LINC00305: variants seen among roughly 807,000 people sequenced by gnomAD.
The protein encoded by LINC00305 is long independently transcribed non-coding RNA 305, also known as long intergenic non-protein coding RNA 305.
chr18:64,101,365 A>C (rs2144240251), intron 1 of LINC00305, among the ~76,000 whole-genome samples: 1 of 152,292 alleles, frequency 6.6e-6, no homozygotes, highest in Middle Eastern at 3.4e-3. Flanking sequence ...AAATCAGCAG[A>C]AAATTGAGTT....
chr18:64,148,275 T>TA (rs1394354535), intron 1 of LINC00305, among the ~76,000 whole-genome samples: 1 of 152,114 alleles, frequency 6.6e-6, no homozygotes, highest in Admixed American at 6.6e-5. Context: ...TCTGAACCTA[T>TA]AGTGACCAGA....
intron 1 of LINC00305, among the ~76,000 whole-genome samples, chr18:64,130,145 T>A (rs2051402969): frequency 6.6e-6 from 1 of 152,178 alleles, no homozygotes; most frequent in Non-Finnish European, 1.5e-5. Context: ...ATACCATGGA[T>A]GATAAGCCAA....
chr18:64,135,569 T>C (rs1394427264), intron 1 of LINC00305, among the ~76,000 whole-genome samples: 2 of 152,108 alleles, frequency 1.3e-5, no homozygotes, highest in African/African-American at 4.8e-5. Context: ...TTGTTCCACT[T>C]TGCTTTGTTT....
At chr18:64,143,658 CACGTATTATGTATACAT>C (rs2051479772) in intron 1 of LINC00305, among the ~76,000 whole-genome samples, 8 of 146,176 alleles carry the variant, frequency 5.5e-5, no homozygotes, top group Admixed American at 3.4e-4. Context: ...TATGTATGTA[CACGTATTATGTATACAT>C]ATGTATGTCC....
intron 1 of LINC00305, among the ~76,000 whole-genome samples, chr18:64,123,512 C>T (rs2051371253): frequency 1.3e-5 from 2 of 152,230 alleles, no homozygotes; most frequent in Admixed American, 1.3e-4. Context: ...CACTGTACCC[C>T]TTTCTCTGCT....
chr18:64,138,514 C>T (rs1656816866), intron 1 of LINC00305, among the ~76,000 whole-genome samples: 1 of 152,176 alleles, frequency 6.6e-6, no homozygotes, highest in South Asian at 2.1e-4. Context: ...AGTTGACAGC[C>T]CTTTCTCAAG....
At chr18:64,091,396 C>A (rs1225237184) in intron 3 of LINC00305, among the ~76,000 whole-genome samples, 2 of 152,156 alleles carry the variant, frequency 1.3e-5, no homozygotes, top group Non-Finnish European at 2.9e-5. Context: ...GGATGATGCT[C>A]CATTGTTTCG....
At chr18:64,103,711 T>C (rs748024653) in intron 1 of LINC00305, among the ~76,000 whole-genome samples, 5 of 152,210 alleles carry the variant, frequency 3.3e-5, no homozygotes, top group Non-Finnish European at 7.3e-5. Context: ...CAGCATTGTA[T>C]GTTTTAAGAC....
chr18:64,143,601 T>TAC (rs2051478103), intron 1 of LINC00305, among the ~76,000 whole-genome samples: 1 of 93,136 alleles, frequency 1.1e-5, no homozygotes, highest in Non-Finnish European at 2.2e-5. Flanking sequence ...TACACATATG[T>TAC]ATATGTACAT....
At position 64,122,041 on chromosome 18, in the gene LINC00305, A is replaced by AT. The variant is rs546756446; in HGVS notation, n.315-23402dup. On this transcript the variant is annotated intron_variant and non_coding_transcript_variant, in intron 1 of 3. Coordinates refer to ENST00000666468, the Ensembl canonical transcript of LINC00305. ...ACTTTTTAATGGGATTACTTCTTTG[A>AT]TTTTTTGTTGAGTTGTTTGAACTTC... is the stretch of plus-strand genomic sequence containing the variant. Among the ~76,000 whole-genome samples, 248 of 151,684 alleles carry AT rather than the reference A, an allele frequency of 1.6e-3. 1 individual carries two copies. Among genetic ancestry groups the AT allele is most frequent in the Middle Eastern group, 3.4e-3 (1 of 294 alleles).
At chr18:64,087,830 G>T (rs1319311517) in intron 3 of LINC00305, among the ~76,000 whole-genome samples, 1 of 151,964 alleles carries the variant, frequency 6.6e-6, no homozygotes, top group Non-Finnish European at 1.5e-5. Context: ...GCTGGCTCAC[G>T]CCTGTAATCC....
At chr18:64,141,551 C>T (rs1008419937) in intron 1 of LINC00305, among the ~76,000 whole-genome samples, 1 of 152,152 alleles carries the variant, frequency 6.6e-6, no homozygotes, top group East Asian at 1.9e-4. Flanking sequence ...TTCGCAGGCC[C>T]AGTGACTGTA....
At chr18:64,122,616 TATG>T (rs2051367045) in intron 1 of LINC00305, among the ~76,000 whole-genome samples, 1 of 152,102 alleles carries the variant, frequency 6.6e-6, no homozygotes, top group Non-Finnish European at 1.5e-5. Flanking sequence ...AATCAGGTAA[TATG>T]ATGTCTTCAG....
At chr18:64,125,429 A>G (rs916294831) in intron 1 of LINC00305, among the ~76,000 whole-genome samples, 4 of 152,070 alleles carry the variant, frequency 2.6e-5, no homozygotes, top group African/African-American at 7.2e-5. Flanking sequence ...ATCCCTGAAG[A>G]TTATTACTCT....
chr18:64,142,663 A>T (rs538402945), intron 1 of LINC00305, among the ~76,000 whole-genome samples: 100 of 152,198 alleles, frequency 6.6e-4, no homozygotes, highest in Middle Eastern at 3.4e-3. Context: ...TGTGTCTTAC[A>T]CCATGGCCAC....
chr18:64,094,950 A>T (rs925197167), intron 3 of LINC00305, among the ~76,000 whole-genome samples: 5 of 152,170 alleles, frequency 3.3e-5, no homozygotes, highest in Admixed American at 6.5e-5. Context: ...CAATCTGTGT[A>T]CCTGTCATAG....
chr18:64,116,861 G>A (rs2051340015), intron 1 of LINC00305, among the ~76,000 whole-genome samples: 1 of 152,152 alleles, frequency 6.6e-6, no homozygotes, highest in South Asian at 2.1e-4. Flanking sequence ...TTTACCACGG[G>A]CCTTCCATGG....
At chr18:64,103,660 ATG>A (rs1477642758) in intron 1 of LINC00305, among the ~76,000 whole-genome samples, 4 of 152,150 alleles carry the variant, frequency 2.6e-5, no homozygotes, top group Admixed American at 6.5e-5. Context: ...CTCCTGCCAA[ATG>A]TGTTTGAATT....
At chr18:64,107,999 C>A (rs1411788744) in intron 1 of LINC00305, among the ~76,000 whole-genome samples, 2 of 152,142 alleles carry the variant, frequency 1.3e-5, no homozygotes, top group Admixed American at 1.3e-4. Context: ...ACAAGGCAGG[C>A]AAACAACCTC....
Sources: allele counts gnomAD v4.1 joint callset (sites outside exome capture counted in the v4.1 genomes callset), GRCh38; gene constraint gnomAD v4.1.1; transcripts MANE v1.5; gene names NCBI Gene and HGNC (gene_info 2026-07-23, HGNC 2026-07-21).